The following EYS variants were observed in gnomAD, a reference collection of about 807,000 sequenced individuals.
The protein encoded by EYS is protein eyes shut homolog.
EYS carries 250 observed loss-of-function variants against 282.1 expected under a neutral mutation model. The observed-to-expected ratio is 0.89, with a 90% CI of 0.80 to 0.98. EYS has a LOEUF of 0.98. Ranked by LOEUF, EYS falls within the 50% of genes least tolerant of loss-of-function variation. The pLI, the probability that EYS is intolerant of heterozygous loss-of-function variation, is 0.00. For synonymous variants in EYS, 1,355 were observed against 1,282.9 expected (o/e 1.06, Z -1.20); for missense variants, 4,016 against 3,709.0 (o/e 1.08, Z -2.15).
At chr6:65,141,487 T>TA (rs1336830759) in intron 12 of EYS, among the ~76,000 whole-genome samples, 1 of 140,760 alleles carries the variant, frequency 7.1e-6, no homozygotes, top group Non-Finnish European at 1.5e-5. Context: ...AAACTTAAAG[T>TA]ATAATAATAA....
chr6:64,432,104 A>T (rs1307437335), intron 28 of EYS, among the ~76,000 whole-genome samples: 1 of 152,120 alleles, frequency 6.6e-6, no homozygotes, highest in Admixed American at 6.6e-5. Context: ...ATAATTAAAG[A>T]TGTTCTCATT....
intron 26 of EYS, among the ~76,000 whole-genome samples, chr6:64,452,954 G>T (rs1042311598): frequency 6.6e-6 from 1 of 152,158 alleles, no homozygotes; most frequent in Admixed American, 6.5e-5. Context: ...CATGGGCAAG[G>T]ACTTCATGTC....
chr6:64,905,595 A>G lies in EYS; in HGVS notation c.2642-3095T>C, dbSNP rs151120594. ...TGCACTCGTTCCTCCAAAATACACA[A>G]AATTGATTTTTAAAACCTACTGCTC... On this transcript the variant is annotated intron_variant, in intron 16 of 42. Transcript: ENST00000503581. Among the ~76,000 whole-genome samples the G allele has an allele frequency of 1.2e-3, 188 of 152,286 alleles. 1 individual carries two copies. Among genetic ancestry groups the G allele is most frequent in the Non-Finnish European group, 1.2e-3 (79 of 68,018 alleles).
At chr6:63,765,812 C>T (rs1665863085) in intron 40 of EYS, among the ~76,000 whole-genome samples, 1 of 151,984 alleles carries the variant, frequency 6.6e-6, no homozygotes, top group South Asian at 2.1e-4. Context: ...CCGTTCTCAG[C>T]CTCTAGTGAC....
intron 24 of EYS, among the ~76,000 whole-genome samples, chr6:64,601,512 C>A (rs551048514): frequency 6.6e-6 from 1 of 151,998 alleles, no homozygotes; most frequent in Admixed American, 6.6e-5. Flanking sequence ...CAATGTCTTG[C>A]TAATTTTTCT....
intron 2 of EYS, among the ~76,000 whole-genome samples, chr6:65,563,513 G>A (rs1406400623): frequency 6.6e-6 from 1 of 151,738 alleles, no homozygotes; most frequent in Non-Finnish European, 1.5e-5. Context: ...ATAAAGCATA[G>A]TATCTCTTCG....
intron 31 of EYS, among the ~76,000 whole-genome samples, chr6:64,150,001 G>A (rs1774648814): frequency 6.6e-6 from 1 of 152,194 alleles, no homozygotes; most frequent in Non-Finnish European, 1.5e-5. Context: ...CTATGTTATA[G>A]TCACCATTAC....
chr6:64,104,284 A>G (rs1772930219), intron 31 of EYS, among the ~76,000 whole-genome samples: 1 of 152,104 alleles, frequency 6.6e-6, no homozygotes, highest in African/African-American at 2.4e-5. Context: ...GGAAATAAGA[A>G]GTCCTCTTGT....
chr6:65,337,291 C>T (rs774486357), intron 10 of EYS, among the ~76,000 whole-genome samples: 28 of 151,366 alleles, frequency 1.8e-4, no homozygotes, highest in Non-Finnish European at 3.4e-4. Context: ...AATATTACAA[C>T]TGAAGCTATA....
intron 12 of EYS, among the ~76,000 whole-genome samples, chr6:65,085,317 G>T (rs1268763106): frequency 6.6e-6 from 1 of 152,034 alleles, no homozygotes; most frequent in African/African-American, 2.4e-5. Flanking sequence ...CTGAAGTAAG[G>T]ATCTCTATTT....
At chr6:64,354,920 C>A (rs1771772254) in intron 29 of EYS, among the ~76,000 whole-genome samples, 1 of 151,360 alleles carries the variant, frequency 6.6e-6, no homozygotes. Flanking sequence ...AATGTAGGAG[C>A]CCTTTTTCAA....
At chr6:64,083,383 C>T (rs778681062) in intron 31 of EYS, among the ~76,000 whole-genome samples, 13 of 152,164 alleles carry the variant, frequency 8.5e-5, no homozygotes, top group Non-Finnish European at 1.8e-4. Flanking sequence ...ATGATTTCTC[C>T]TATCCTCCTT....
chr6:64,647,252 C>CAAA (rs749780370), intron 22 of EYS, among the ~76,000 whole-genome samples: 20 of 152,020 alleles, frequency 1.3e-4, no homozygotes, highest in Non-Finnish European at 1.9e-4. Flanking sequence ...AATTTCTAAA[C>CAAA]AAAAATGACT....
At chr6:63,773,069 A>T (rs1769977008) in intron 40 of EYS, among the ~76,000 whole-genome samples, 1 of 152,134 alleles carries the variant, frequency 6.6e-6, no homozygotes. Context: ...GTCCTCCATT[A>T]TATAAACATT....
At chr6:64,465,750 A>G (rs899952802) in intron 26 of EYS, among the ~76,000 whole-genome samples, 2 of 152,070 alleles carry the variant, frequency 1.3e-5, no homozygotes, top group Admixed American at 6.5e-5. Flanking sequence ...AAAAAGACAA[A>G]TGAGATTACA....
intron 22 of EYS, among the ~76,000 whole-genome samples, chr6:64,761,608 C>A (rs1350485372): frequency 6.6e-6 from 1 of 152,148 alleles, no homozygotes; most frequent in East Asian, 1.9e-4. Context: ...TGGCGCATGC[C>A]ACCATGCCCA....
At chr6:63,974,344 T>C (rs1027614497) in intron 35 of EYS, among the ~76,000 whole-genome samples, 1 of 152,076 alleles carries the variant, frequency 6.6e-6, no homozygotes, top group African/African-American at 2.4e-5. Context: ...TAAATAGTTT[T>C]TGAAGGAAAG....
At chr6:64,193,676 G>C (rs1330456270) in intron 31 of EYS, among the ~76,000 whole-genome samples, 1 of 151,902 alleles carries the variant, frequency 6.6e-6, no homozygotes, top group East Asian at 1.9e-4. Flanking sequence ...ACAGGCCCTG[G>C]TGTGTGATGT....
At chr6:65,193,673 C>T (rs988897697) in intron 12 of EYS, among the ~76,000 whole-genome samples, 7 of 150,658 alleles carry the variant, frequency 4.6e-5, no homozygotes, top group African/African-American at 1.2e-4. Context: ...TTTAGAGCTT[C>T]GTAAGGAACA....
Sources: allele counts gnomAD v4.1 joint callset (sites outside exome capture counted in the v4.1 genomes callset), GRCh38; gene constraint gnomAD v4.1.1; transcripts MANE v1.5; gene names NCBI Gene and HGNC (gene_info 2026-07-23, HGNC 2026-07-21).